CCM2: variants seen among roughly 807,000 people sequenced by gnomAD.
CCM2 encodes cerebral cavernous malformations 2 protein.
Under a neutral mutation model 44.9 loss-of-function variants are expected in CCM2, and 25 were observed. The ratio of observed to expected loss-of-function variants is 0.56; its 90% CI spans 0.41 to 0.78. CCM2 has a LOEUF of 0.78. CCM2 is among the 30% of genes least tolerant of loss of function. The probability of loss-of-function intolerance (pLI) is 0.00; values close to 1 mark genes in which losing one functional copy is unlikely to be tolerated. For synonymous variants in CCM2, 219 were observed against 241.1 expected, an observed-to-expected ratio of 0.91 and a Z score of 0.85; for missense variants, 481 against 580.6, an observed-to-expected ratio of 0.83 and a Z score of 1.76.
At position 45,070,604 on chromosome 7, in the gene CCM2, A is replaced by G. The variant is rs141599799; in HGVS notation, c.745+643A>G. On this transcript the variant is annotated intron_variant, in intron 6 of 9. Coordinates refer to ENST00000258781, the MANE Select transcript of CCM2 (RefSeq NM_031443.4). ...TCTTCAAAAACATCATCTGTTTTTC[A>G]GATGTATTACTTATTGAGGATTAAT... is the stretch of plus-strand genomic sequence containing the variant. 3.3e-5 allele frequency: 12 copies of G among 359,816 alleles called. No individual in the cohort carries two copies. In the East Asian group the frequency reaches 9.1e-4, roughly 27 times the overall value. The allele number at this position is 359,816 out of a possible 1,614,324, so 22.3% of individuals were successfully genotyped here.
intron 2 of CCM2, among the ~76,000 whole-genome samples, chr7:45,051,820 C>T (rs1018456450): frequency 2.0e-5 from 3 of 151,970 alleles, no homozygotes; most frequent in Admixed American, 6.6e-5. Context: ...CTCGGCCCCC[C>T]AAAATGCTGG....
At chr7:45,042,656 T>A (rs1249569425) in intron 2 of CCM2, among the ~76,000 whole-genome samples, 1 of 152,096 alleles carries the variant, frequency 6.6e-6, no homozygotes, top group Non-Finnish European at 1.5e-5. Flanking sequence ...AAAAGGATAA[T>A]GAGAGAACAC....
rs757804830 is a variant in CCM2, at chr7:45,063,964, G to A, written c.251G>A (p.Ser84Asn). 1 of 1,613,354 alleles carries A rather than the reference G, an allele frequency of 6.2e-7. No homozygotes were observed. Among genetic ancestry groups the A allele is most frequent in the Non-Finnish European group, 8.5e-7 (1 of 1,179,396 alleles). The change falls in exon 3 of 10, where the codon AGT becomes AAT. Residue 84 changes from serine (S) to asparagine (N), a missense_variant. Coordinates refer to ENST00000258781, the MANE Select transcript of CCM2 (RefSeq NM_031443.4). Reference protein sequence around the residue: ...TSIPGYLNPSSRTEILHFIDN... With the variant: ...TSIPGYLNPSNRTEILHFIDN... ...ATACCAGGATACCTGAATCCCTCCA[G>A]TAGGACTGAAATCCTGCATTTCATA...
chr7:45,030,543 C>G (rs1796915524), intron 1 of CCM2, among the ~76,000 whole-genome samples: 1 of 152,124 alleles, frequency 6.6e-6, no homozygotes, highest in South Asian at 2.1e-4. Context: ...TCAAGTGATC[C>G]TCCCACCTCA....
intron 2 of CCM2, among the ~76,000 whole-genome samples, chr7:45,062,257 A>G (rs574968899): frequency 6.6e-6 from 1 of 152,326 alleles, no homozygotes; most frequent in South Asian, 2.1e-4. Flanking sequence ...GTGTGAGGTA[A>G]TGAACAACTG....
chr7:45,047,133 C>T (rs1797795457), intron 2 of CCM2, among the ~76,000 whole-genome samples: 1 of 152,138 alleles, frequency 6.6e-6, no homozygotes, highest in African/African-American at 2.4e-5. Context: ...TAAAATGGTA[C>T]CGCCACTCTA....
At chr7:45,065,520 T>G (rs1798730908) in intron 4 of CCM2, among the ~76,000 whole-genome samples, 1 of 152,260 alleles carries the variant, frequency 6.6e-6, no homozygotes, top group Middle Eastern at 3.4e-3. Context: ...GAGGGGAATT[T>G]GTTGTTCCAC....
At chr7:45,028,699 G>A (rs1033749239) in intron 1 of CCM2, among the ~76,000 whole-genome samples, 1 of 151,820 alleles carries the variant, frequency 6.6e-6, no homozygotes, top group Non-Finnish European at 1.5e-5. Context: ...CCTGAGATGC[G>A]GGTGCACACC....
At chr7:45,011,313 CA>C (rs750888985) in intron 1 of CCM2, among the ~76,000 whole-genome samples, 1 of 152,030 alleles carries the variant, frequency 6.6e-6, no homozygotes, top group Non-Finnish European at 1.5e-5. Context: ...TCTCATGCCT[CA>C]GCCTCCCTGG....
chr7:45,009,776 T>C (rs1453246376), intron 1 of CCM2, among the ~76,000 whole-genome samples: 1 of 152,220 alleles, frequency 6.6e-6, no homozygotes, highest in African/African-American at 2.4e-5. Context: ...ATTTTATTTT[T>C]CTGATGCATT....
intron 1 of CCM2, among the ~76,000 whole-genome samples, chr7:45,014,706 C>A (rs1289476089): frequency 6.6e-6 from 1 of 150,536 alleles, no homozygotes; most frequent in Non-Finnish European, 1.5e-5. Context: ...ACTCCAACCT[C>A]CACCTCCTGG....
At position 45,072,861 on chromosome 7, in the gene CCM2, G is replaced by T. The variant is rs1386169876; in HGVS notation, c.803+78G>T. Reference sequence around the variant, plus strand: ...TCTGGTGTTGTCCAGGCTGCAGCCAGTCAGCTCCCCCATCTCAGCTCACCC... The same window carrying T: ...TCTGGTGTTGTCCAGGCTGCAGCCATTCAGCTCCCCCATCTCAGCTCACCC... On this transcript the variant is annotated intron_variant, in intron 7 of 9. Coordinates refer to ENST00000258781, the MANE Select transcript of CCM2 (RefSeq NM_031443.4). 7.4e-6 allele frequency: 9 copies of T among 1,210,102 alleles called. No individual in the cohort carries two copies. The African/African-American group carries it at 1.3e-4, about 18-fold the overall frequency. 75.0% of individuals were successfully genotyped at this position (1,210,102 alleles called of 1,614,324 possible).
At chr7:45,055,338 A>G (rs1056147045) in intron 2 of CCM2, among the ~76,000 whole-genome samples, 1 of 152,362 alleles carries the variant, frequency 6.6e-6, no homozygotes, top group Non-Finnish European at 1.5e-5. Context: ...AGGGATAGCA[A>G]ATGAAATTGA....
intron 1 of CCM2, among the ~76,000 whole-genome samples, chr7:45,024,498 T>C (rs1033576776): frequency 6.6e-4 from 101 of 152,356 alleles, no homozygotes; most frequent in African/African-American, 2.2e-3. Flanking sequence ...TTGGTTCCAC[T>C]GTTTCTTGGA....
At chr7:45,066,136 C>T (rs1798762222) in intron 4 of CCM2, among the ~76,000 whole-genome samples, 1 of 151,998 alleles carries the variant, frequency 6.6e-6, no homozygotes, top group Admixed American at 6.6e-5. Flanking sequence ...GAGAAACTTT[C>T]CAAAATTAGA....
Position 45,026,833 on chromosome 7 carries a change from C to G in CCM2, c.31-11420C>G, listed in dbSNP as rs114868192. The stretch of plus-strand genomic sequence containing the variant: ...GGCCAGGCTGGTGTCGAACTTCTTA[C>G]CTCAGGTGATCCACCTGCCTCAGCC... On this transcript the variant is annotated intron_variant, in intron 1 of 9. Coordinates refer to ENST00000258781, the MANE Select transcript of CCM2 (RefSeq NM_031443.4). 5.7e-3 allele frequency among the ~76,000 whole-genome samples: 873 copies of G among 152,136 alleles called. 12 individuals are homozygous for G. Among genetic ancestry groups the G allele is most frequent in the African/African-American group, 0.02 (848 of 41,508 alleles).
intron 1 of CCM2, among the ~76,000 whole-genome samples, chr7:45,022,248 T>C (rs1796507136): frequency 6.6e-6 from 1 of 151,850 alleles, no homozygotes; most frequent in Admixed American, 6.6e-5. Flanking sequence ...GGCCACATTT[T>C]AGTATGTTTC....
intron 2 of CCM2, among the ~76,000 whole-genome samples, chr7:45,061,355 AC>A (rs1265844278): frequency 1.3e-5 from 2 of 151,222 alleles, no homozygotes; most frequent in Non-Finnish European, 2.9e-5. Flanking sequence ...GTGTTTCCTT[AC>A]CCCTAGGTGG....
intron 2 of CCM2, among the ~76,000 whole-genome samples, chr7:45,058,480 C>T (rs1457301767): frequency 7.4e-6 from 1 of 135,920 alleles, no homozygotes; most frequent in Non-Finnish European, 1.6e-5. Context: ...TCCCCCCACC[C>T]CACAACAGTC....
Sources: allele counts gnomAD v4.1 joint callset (sites outside exome capture counted in the v4.1 genomes callset), GRCh38; gene constraint gnomAD v4.1.1; transcripts MANE v1.5; gene names NCBI Gene and HGNC (gene_info 2026-07-23, HGNC 2026-07-21).